Variants in VPS13B observed in about 807,000 individuals in gnomAD.
VPS13B encodes the protein vacuolar protein sorting 13 homolog B, also known as intermembrane lipid transfer protein VPS13B.
In VPS13B, 285 loss-of-function variants were observed where a neutral mutation model predicts 426.4. The ratio of observed to expected loss-of-function variants is 0.67; its 90% CI spans 0.61 to 0.74. The LOEUF (loss-of-function observed/expected upper bound fraction) is 0.74, where lower values mean the gene tolerates loss of function less well. Ranked by LOEUF, VPS13B falls within the 30% of genes least tolerant of loss-of-function variation. VPS13B has a pLI of 0.00. For synonymous variants in VPS13B, 1,676 were observed against 1,676.4 expected (o/e 1.00, Z 0.01); for missense variants, 4,537 against 4,782.6 (o/e 0.95, Z 1.51).
intron 19 of VPS13B, chr8:99,340,558 G>T: frequency 2.1e-6 from 1 of 465,416 alleles, no homozygotes; most frequent in Non-Finnish European, 4.3e-6. Flanking sequence ...GGTCACCTGG[G>T]TGGTAATTAT....
At chr8:99,801,456 G>A (rs565627472) in intron 43 of VPS13B, among the ~76,000 whole-genome samples, 11 of 152,042 alleles carry the variant, frequency 7.2e-5, no homozygotes, top group African/African-American at 9.7e-5. Flanking sequence ...TAACACAGTC[G>A]GTATGCTTTG....
At chr8:99,210,001 T>TA (rs1241007705) in intron 17 of VPS13B, among the ~76,000 whole-genome samples, 1 of 152,180 alleles carries the variant, frequency 6.6e-6, no homozygotes, top group Admixed American at 6.5e-5. Context: ...AATAAGCAAT[T>TA]AAAAATGTAT....
rs143754804 is a variant in VPS13B at position 99,621,018 on chromosome 8, G to A, written c.5221-20793G>A. 3.3e-3 allele frequency among the ~76,000 whole-genome samples: 492 copies of A among 147,246 alleles called. 2 individuals are homozygous for A. The highest frequency in any genetic ancestry group is 5.0e-3 in the Non-Finnish European group (335 of 67,162). On this transcript the variant is annotated intron_variant, in intron 33 of 61. Transcript: ENST00000357162. Reference sequence around the variant, plus strand: ...AAAAAAAAAAAAAAAAAAGTGCCATGTGTCTGAGAGCATACTGGAGAAAGA... The same window carrying A: ...AAAAAAAAAAAAAAAAAAGTGCCATATGTCTGAGAGCATACTGGAGAAAGA...
rs578203757 is a variant in VPS13B at position 99,520,941 on chromosome 8, G to T, written c.4676G>T (p.Gly1559Val). 9 of 1,613,748 alleles carry T rather than the reference G, an allele frequency of 5.6e-6. No individual in the cohort carries two copies. In the Admixed American group the frequency reaches 1.2e-4, roughly 21 times the overall value. ...GAAGACACTGTGGTTTTGAAGATTGGCTCTGTTGCCATGGCTCCCCAGGCT... is the reference window on the plus strand; with the variant it reads ...GAAGACACTGTGGTTTTGAAGATTGTCTCTGTTGCCATGGCTCCCCAGGCT... ...AKEDTVVLKI[G>V]SVAMAPQADN... Residue 1559 changes from glycine (G) to valine (V), a missense_variant, in exon 30 of 62, where the codon GGC (glycine) becomes GTC (valine). Gly to Val is a moderately radical substitution (Grantham distance 109, BLOSUM62 -3). This residue lies in a region of VPS13B where 4,311 missense variants were observed against 4,474.3 expected (regional missense o/e 0.96). Coordinates refer to ENST00000357162, the MANE Select transcript of VPS13B (RefSeq NM_152564.5).
intron 3 of VPS13B, among the ~76,000 whole-genome samples, chr8:99,092,909 C>T (rs1262838723): frequency 1.3e-5 from 2 of 150,180 alleles, no homozygotes; most frequent in Admixed American, 1.3e-4. Context: ...ATAATAAATA[C>T]ATGTAGTTTG....
intron 35 of VPS13B, chr8:99,696,195 G>A (rs1025348690): frequency 5.1e-5 from 9 of 176,784 alleles, no homozygotes; most frequent in South Asian, 1.3e-4. Context: ...CACTCTTCAC[G>A]CCGTGTCTCT....
intron 19 of VPS13B, among the ~76,000 whole-genome samples, chr8:99,331,818 G>T (rs1157198143): frequency 6.6e-6 from 1 of 151,754 alleles, no homozygotes; most frequent in Non-Finnish European, 1.5e-5. Context: ...ACATGAGACA[G>T]AAGGATACAT....
At position 99,102,965 on chromosome 8, in the gene VPS13B, G is replaced by A. The variant is rs754462703; in HGVS notation, c.425G>A (p.Ser142Asn). 5 of 1,606,524 alleles carry A rather than the reference G, an allele frequency of 3.1e-6. No homozygotes were observed. Among genetic ancestry groups the A allele is most frequent in the Non-Finnish European group, 4.3e-6 (5 of 1,173,594 alleles). Residue 142 changes from serine to asparagine, a missense_variant, in exon 5 of 62, where the codon AGT becomes AAT. Coordinates refer to ENST00000357162, the MANE Select transcript of VPS13B (RefSeq NM_152564.5). ...DPDLPPGYVQ[S>N]LIRRVVNNVN... The stretch of plus-strand genomic sequence containing the variant: ...TTCTATTTTATAGGTTATGTGCAGA[G>A]TCTGATTAGACGAGTTGTAAATAAT...
chr8:99,304,142 A>G (rs1267544727), intron 19 of VPS13B, among the ~76,000 whole-genome samples: 1 of 152,138 alleles, frequency 6.6e-6, no homozygotes, highest in African/African-American at 2.4e-5. Context: ...TAATTATAGT[A>G]TCTGTCTCAG....
chr8:99,465,757 T>G (rs1295277065), intron 23 of VPS13B, among the ~76,000 whole-genome samples: 2 of 152,092 alleles, frequency 1.3e-5, no homozygotes, highest in African/African-American at 2.4e-5. Flanking sequence ...TACAGATGAT[T>G]TAGTTTGTCA....
chr8:99,807,735 CT>C (rs1813477853), intron 43 of VPS13B, among the ~76,000 whole-genome samples: 1 of 150,622 alleles, frequency 6.6e-6, no homozygotes, highest in Non-Finnish European at 1.5e-5. Flanking sequence ...AGCTGTTAGC[CT>C]TTTTTAGAAG....
At chr8:99,312,468 A>G (rs199717733) in intron 19 of VPS13B, among the ~76,000 whole-genome samples, 1 of 151,996 alleles carries the variant, frequency 6.6e-6, no homozygotes, top group Non-Finnish European at 1.5e-5. Context: ...GTTGAAAATT[A>G]TTTTCTTTAA....
Position 99,816,426 on chromosome 8 carries a change from C to T in VPS13B, c.8098-1114C>T, listed in dbSNP as rs557619974. On this transcript the variant is annotated intron_variant, in intron 44 of 61. Transcript: ENST00000357162. ...CAAGACCCCCATTTCTTAATACCTA[C>T]TATGAACTATACTCTCTTACCTGGG... Among the ~76,000 whole-genome samples, 5 of 152,248 alleles carry T rather than the reference C, an allele frequency of 3.3e-5. No individual in the cohort carries two copies. The East Asian group carries it at 7.7e-4, about 23-fold the overall frequency.
chr8:99,498,719 A>C (rs1293174475), intron 25 of VPS13B, among the ~76,000 whole-genome samples: 1 of 152,130 alleles, frequency 6.6e-6, no homozygotes, highest in Admixed American at 6.6e-5. Flanking sequence ...GTGCACATAT[A>C]GCTGCAGCTT....
Position 99,743,891 on chromosome 8 carries a change from A to T in VPS13B, c.7050+22844A>T, listed in dbSNP as rs781593447. ...AAAAACCCAGAAGAAAACCTAGGCA[A>T]TACCATTCAGGACATAGGCATGGGC... On this transcript the variant is annotated intron_variant, in intron 39 of 61. Coordinates refer to ENST00000357162, the MANE Select transcript of VPS13B (RefSeq NM_152564.5). Among the ~76,000 whole-genome samples, 8 of 152,186 alleles carry T rather than the reference A, an allele frequency of 5.3e-5. 1 individual carries two copies. The South Asian group carries it at 8.3e-4, about 16-fold the overall frequency.
chr8:99,236,312 T>C (rs886506344), intron 17 of VPS13B, among the ~76,000 whole-genome samples: 4 of 151,964 alleles, frequency 2.6e-5, no homozygotes, highest in Non-Finnish European at 5.9e-5. Context: ...TGCAGTGGCG[T>C]GATCTCAGCT....
At chr8:99,787,005 T>TTTG (rs1812307137) in intron 43 of VPS13B, among the ~76,000 whole-genome samples, 1 of 152,180 alleles carries the variant, frequency 6.6e-6, no homozygotes, top group African/African-American at 2.4e-5. Flanking sequence ...AGCAAAATAT[T>TTTG]CCTTTTTCCA....
intron 3 of VPS13B, among the ~76,000 whole-genome samples, chr8:99,086,351 G>A (rs1033372132): frequency 1.3e-5 from 2 of 152,046 alleles, no homozygotes; most frequent in African/African-American, 2.4e-5. Context: ...ATTCTAGTTA[G>A]TCATTCGTCT....
chr8:99,403,625 G>A (rs2133341289), intron 21 of VPS13B, among the ~76,000 whole-genome samples: 1 of 152,120 alleles, frequency 6.6e-6, no homozygotes, highest in East Asian at 1.9e-4. Flanking sequence ...CTCTTGGACA[G>A]TCACTATGGT....
Sources: allele counts gnomAD v4.1 joint callset (sites outside exome capture counted in the v4.1 genomes callset), GRCh38; gene constraint gnomAD v4.1.1; regional missense constraint gnomAD v4.1.1; transcripts MANE v1.5; gene names NCBI Gene and HGNC (gene_info 2026-07-23, HGNC 2026-07-21).